FOCAD: variants seen among roughly 807,000 people sequenced by gnomAD.
The protein encoded by FOCAD is KIAA1797.
A neutral mutation model predicts 225.6 loss-of-function variants in FOCAD; 198 were observed. The observed-to-expected ratio is 0.88, with a 90% CI of 0.78 to 0.99. FOCAD has a LOEUF of 0.99. FOCAD is among the 50% of genes least tolerant of loss of function. The probability of loss-of-function intolerance (pLI) is 0.00; values close to 1 mark genes in which losing one functional copy is unlikely to be tolerated. For synonymous variants in FOCAD, 897 were observed against 755.0 expected, an observed-to-expected ratio of 1.19 and a Z score of -3.08; for missense variants, 2,713 against 2,123.6, an observed-to-expected ratio of 1.28 and a Z score of -5.46.
chr9:20,915,220 C>A (rs1833770264), intron 23 of FOCAD, among the ~76,000 whole-genome samples: 1 of 151,984 alleles, frequency 6.6e-6, no homozygotes, highest in Non-Finnish European at 1.5e-5. Context: ...GAAACATCAG[C>A]ATATTGATGG....
At chr9:20,723,069 A>C (rs1173543126) in intron 4 of FOCAD, among the ~76,000 whole-genome samples, 1 of 152,216 alleles carries the variant, frequency 6.6e-6, no homozygotes, top group East Asian at 1.9e-4. Context: ...TATCATTCAC[A>C]CATCAGTATT....
intron 24 of FOCAD, among the ~76,000 whole-genome samples, chr9:20,918,643 G>A (rs1383572880): frequency 6.6e-6 from 1 of 151,368 alleles, no homozygotes; most frequent in African/African-American, 2.4e-5. Flanking sequence ...AGAATGGCGT[G>A]AACCCGGGAG....
intron 5 of FOCAD, among the ~76,000 whole-genome samples, chr9:20,746,722 TAAC>T (rs2131706051): frequency 6.6e-6 from 1 of 152,344 alleles, no homozygotes; most frequent in African/African-American, 2.4e-5. Context: ...ATACTTTTTA[TAAC>T]ATACAGTCCA....
chr9:20,709,082 C>A (rs1434284311), intron 1 of FOCAD, among the ~76,000 whole-genome samples: 1 of 152,026 alleles, frequency 6.6e-6, no homozygotes, highest in African/African-American at 2.4e-5. Flanking sequence ...AAGTTGAAAA[C>A]CCAAAGTGTT....
chr9:20,972,032 G>A (rs1474728447), intron 35 of FOCAD, among the ~76,000 whole-genome samples: 2 of 152,010 alleles, frequency 1.3e-5, no homozygotes, highest in Non-Finnish European at 2.9e-5. Context: ...CCAATTGGCT[G>A]TTGTGAATAA....
intron 28 of FOCAD, among the ~76,000 whole-genome samples, chr9:20,938,029 GAT>G (rs1836178907): frequency 6.6e-6 from 1 of 151,910 alleles, no homozygotes; most frequent in Non-Finnish European, 1.5e-5. Context: ...ACCACAATGA[GAT>G]ACCATCTCAC....
chr9:20,940,498 C>T (rs527655487), intron 28 of FOCAD, among the ~76,000 whole-genome samples: 38 of 152,052 alleles, frequency 2.5e-4, no homozygotes, highest in African/African-American at 8.2e-4. Context: ...TTGCCTAGGC[C>T]GGTGTTGAAC....
At chr9:20,860,774 G>A (rs1828704209) in intron 15 of FOCAD, among the ~76,000 whole-genome samples, 1 of 152,210 alleles carries the variant, frequency 6.6e-6, no homozygotes, top group African/African-American at 2.4e-5. Context: ...GCCTCCCAAA[G>A]TGCTGGGATT....
Position 20,800,216 on chromosome 9 carries a change from A to C in FOCAD, c.1455+10608A>C, listed in dbSNP as rs955608078. 6.6e-5 allele frequency among the ~76,000 whole-genome samples: 10 copies of C among 152,234 alleles called. No homozygotes were observed. In the East Asian group the frequency reaches 7.8e-4, roughly 12 times the overall value. ...CTTGTAGAGTTTCTGCTGAGAGATC[A>C]GCTGTTAGTCTGATGGGCTTCCCTT... is the stretch of plus-strand genomic sequence containing the variant. On this transcript the variant is annotated intron_variant, in intron 11 of 43. Coordinates refer to ENST00000338382, the MANE Select transcript of FOCAD (RefSeq NM_001375567.1).
Position 20,978,425 on chromosome 9 carries a change from G to A in FOCAD, c.4348G>A (p.Val1450Met), listed in dbSNP as rs918199690. 1.2e-6 allele frequency: 2 copies of A among 1,611,730 alleles called. No individual in the cohort carries two copies. Among genetic ancestry groups the A allele is most frequent in the African/African-American group, 1.3e-5 (1 of 74,960 alleles). ...QNAAALLGLW[V>M]TPPLIHSLSL... ...TGCAGCTGCACTATTGGGCTTGTGG[G>A]TGACACCACCACTGATCCACAGTCT... The change falls in exon 37 of 44, where the codon GTG becomes ATG. Residue 1450 changes from valine to methionine, a missense_variant. Val to Met is a conservative substitution (Grantham distance 21, BLOSUM62 1). Coordinates refer to ENST00000338382, the MANE Select transcript of FOCAD (RefSeq NM_001375567.1).
At chr9:20,790,590 G>A (rs1159822595) in intron 11 of FOCAD, among the ~76,000 whole-genome samples, 2 of 152,106 alleles carry the variant, frequency 1.3e-5, no homozygotes, top group Non-Finnish European at 2.9e-5. Context: ...TGGCCAACAT[G>A]GCGAAACCTT....
chr9:20,903,932 T>C (rs1276070767), intron 21 of FOCAD, among the ~76,000 whole-genome samples: 2 of 151,798 alleles, frequency 1.3e-5, no homozygotes, highest in African/African-American at 2.4e-5. Flanking sequence ...TTCCTTCCCC[T>C]CTCCCCCGGC....
At chr9:20,659,198 G>A (rs1258088926) in intron 2 of FOCAD, among the ~76,000 whole-genome samples, 4 of 151,698 alleles carry the variant, frequency 2.6e-5, no homozygotes, top group Admixed American at 6.6e-5. Context: ...CCAGCCTAGG[G>A]AACAGAGTGA....
intron 2 of FOCAD, among the ~76,000 whole-genome samples, chr9:20,672,651 A>G (rs1342070909): frequency 6.6e-6 from 1 of 152,166 alleles, no homozygotes; most frequent in Non-Finnish European, 1.5e-5. Flanking sequence ...GGGTCTCGCC[A>G]CATTGGCCGG....
chr9:20,765,672 A>T (rs1829994077), intron 7 of FOCAD, among the ~76,000 whole-genome samples: 1 of 152,224 alleles, frequency 6.6e-6, no homozygotes, highest in Admixed American at 6.5e-5. Context: ...AGAGGTATGG[A>T]TAAAACACGG....
chr9:20,862,672 C>A lies in FOCAD; in HGVS notation c.2015C>A (p.Ser672Tyr), dbSNP rs1209044727. The A allele has an allele frequency of 6.2e-7, 1 of 1,613,276 alleles. No homozygotes were observed. The highest frequency in any genetic ancestry group is 1.1e-5 in the South Asian group (1 of 90,960). Residue 672 changes from serine (S) to tyrosine (Y), a missense_variant, in exon 16 of 44, where the codon TCT (serine) becomes TAT (tyrosine). Physicochemically the swap from Ser to Tyr is moderately radical, Grantham distance 144. Coordinates refer to ENST00000338382, the MANE Select transcript of FOCAD (RefSeq NM_001375567.1). Reference sequence around the variant, plus strand: ...CTGAAGACACTGAGTGAACTATTTTCTCTAGTTCCTTCCTTAACGGTCAAT... The same window carrying A: ...CTGAAGACACTGAGTGAACTATTTTATCTAGTTCCTTCCTTAACGGTCAAT... The part of the protein sequence containing the change: ...LILKTLSELF[S>Y]LVPSLTVNTT...
chr9:20,671,035 TAGAA>T (rs540494559), intron 2 of FOCAD, among the ~76,000 whole-genome samples: 70 of 152,304 alleles, frequency 4.6e-4, no homozygotes, highest in African/African-American at 1.6e-3. Flanking sequence ...ATTCTCTCCT[TAGAA>T]AGACATATTT....
chr9:20,694,405 A>G (rs994025057), intron 1 of FOCAD: 13 of 152,334 alleles, frequency 8.5e-5, no homozygotes, highest in African/African-American at 2.9e-4. Context: ...CCATGAAGCT[A>G]TTATAAGGAG....
chr9:20,989,582 G>A (rs1012021370), intron 41 of FOCAD, among the ~76,000 whole-genome samples: 3 of 152,134 alleles, frequency 2.0e-5, no homozygotes, highest in Non-Finnish European at 4.4e-5. Flanking sequence ...CACTTGGGAG[G>A]CTGAAGCAGG....
Sources: allele counts gnomAD v4.1 joint callset (sites outside exome capture counted in the v4.1 genomes callset), GRCh38; gene constraint gnomAD v4.1.1; transcripts MANE v1.5; gene names NCBI Gene and HGNC (gene_info 2026-07-23, HGNC 2026-07-21).